Variants in DBN1 observed in about 807,000 individuals in gnomAD.
DBN1 encodes drebrin.
Under a neutral mutation model 83.5 loss-of-function variants are expected in DBN1, and 21 were observed. The ratio of observed to expected loss-of-function variants is 0.25; its 90% CI spans 0.18 to 0.36. DBN1 has a LOEUF of 0.36. Among genes scored for constraint, DBN1 ranks in the 10% least tolerant of loss-of-function variants. The pLI is 1.00. For synonymous variants in DBN1, 381 were observed against 384.9 expected (o/e 0.99, Z 0.12); for missense variants, 874 against 935.7 (o/e 0.93, Z 0.86).
chr5:177,464,958 C>G (rs56223202), intron 8 of DBN1, among the ~76,000 whole-genome samples: 346 of 151,128 alleles, frequency 2.3e-3, no homozygotes, highest in South Asian at 8.3e-3. Flanking sequence ...ATCGAGACCA[C>G]CCTGGCTAAC....
At chr5:177,457,591 G>A in intron 14 of DBN1, 64 bp downstream of exon 14, 1 of 1,508,750 alleles carries the variant, frequency 6.6e-7, no homozygotes, top group Non-Finnish European at 9.2e-7. Context: ...TGGTGGGGTG[G>A]CTACCCACAC....
rs750009034 is a variant in DBN1 at position 177,467,101 on chromosome 5, T to C, written c.556-39A>G. 6.2e-7 allele frequency: 1 copy of C among 1,612,660 alleles called. No individual in the cohort carries two copies. The highest frequency in any genetic ancestry group is 8.5e-7 in the Non-Finnish European group (1 of 1,179,682). ...TGCGAACAAGGGTAGGCCCCGAGCC[T>C]AGGCGCCTGGACCCTGCCCCTCCAG... On this transcript the variant is annotated intron_variant, in intron 6 of 14. Transcript: ENST00000393565. This position sits in a 1 kb window ranked among gnomAD's most constrained non-coding sequence, Gnocchi z 9.1.
At position 177,466,739 on chromosome 5, in the gene DBN1, C is replaced by T. The variant is rs774670111; in HGVS notation, c.771+33G>A. 3.1e-6 allele frequency: 5 copies of T among 1,613,012 alleles called. No homozygotes were observed. The highest frequency in any genetic ancestry group is 3.4e-6 in the Non-Finnish European group (4 of 1,178,946). ...ACAGGGACCATTCTCACTTCCCTGA[C>T]CCAGAGACCGGGAGCCTTGGCAAAG... is the stretch of plus-strand genomic sequence containing the variant. On this transcript the variant is annotated intron_variant, in intron 8 of 14. Coordinates refer to ENST00000393565, the MANE Select transcript of DBN1 (RefSeq NM_001363541.2). This position sits in a 1 kb window ranked among gnomAD's most constrained non-coding sequence, Gnocchi z 4.8.
intron 1 of DBN1, chr5:177,472,417 G>A (rs185987520): frequency 4.9e-6 from 7 of 1,417,458 alleles, no homozygotes; most frequent in East Asian, 5.7e-5. Context: ...GAGTATTACG[G>A]GGGGGTTAAA....
intron 8 of DBN1, chr5:177,462,388 G>T: frequency 1.0e-6 from 1 of 985,496 alleles, no homozygotes; most frequent in Non-Finnish European, 1.2e-6. Context: ...CAGCTGCAGC[G>T]TGGCCACTGC....
At chr5:177,464,513 A>C (rs1169315475) in intron 8 of DBN1, among the ~76,000 whole-genome samples, 1 of 152,040 alleles carries the variant, frequency 6.6e-6, no homozygotes, top group East Asian at 1.9e-4. Context: ...TAATTCCAGC[A>C]CTTTGGGAGG....
At position 177,458,166 on chromosome 5, in the gene DBN1, G is replaced by A; in HGVS notation, c.1806C>T (p.Ala602=). ...CTGAGGGCAGAGTTGGGGTCTGGGG[G>A]GCAGCCAGGGACTCCCCTTCCACTT... ...PEEVEGESLA[A]PQTPTLPSAL... Residue 602 remains alanine, a synonymous_variant, in exon 13 of 15, where the codon GCC becomes GCT. Transcript: ENST00000393565. 1.9e-6 allele frequency: 3 copies of A among 1,612,844 alleles called. No homozygotes were observed. Among genetic ancestry groups the A allele is most frequent in the Non-Finnish European group, 2.5e-6 (3 of 1,179,698 alleles).
chr5:177,467,457 C>T lies in DBN1; in HGVS notation c.477+24G>A. On this transcript the variant is annotated intron_variant, in intron 5 of 14. Transcript: ENST00000393565. This position sits in a 1 kb window ranked among gnomAD's most constrained non-coding sequence, Gnocchi z 9.1. ...GGCACCAGGCCACGCAGGCAGAGCC[C>T]ACGGGTGCCAAACACACACTAACCA... 1 of 1,607,308 alleles carries T rather than the reference C, an allele frequency of 6.2e-7. No individual in the cohort carries two copies.
At chr5:177,461,274 AT>A (rs958131658) in intron 8 of DBN1, among the ~76,000 whole-genome samples, 1 of 149,030 alleles carries the variant, frequency 6.7e-6, no homozygotes, top group African/African-American at 2.5e-5. Flanking sequence ...AATTTTTTGT[AT>A]TTTTAGTAGA....
intron 14 of DBN1, 74 bp from the exon 15 acceptor site, chr5:177,457,577 G>A: frequency 6.5e-7 from 1 of 1,549,196 alleles, no homozygotes; most frequent in Non-Finnish European, 8.9e-7. Flanking sequence ...TGAGCGGTGG[G>A]TAGTGGTGGG....
In DBN1 at chr5:177,459,888, G is replaced by T. The variant is rs917679147; in HGVS notation, c.956-148C>A. The T allele has an allele frequency of 3.4e-6, 3 of 885,662 alleles. No homozygotes were observed. In the African/African-American group the frequency reaches 5.1e-5, roughly 15 times the overall value. 54.9% of individuals were successfully genotyped at this position (885,662 alleles called of 1,614,324 possible). A position where few individuals can be genotyped will look rare whatever the true frequency, so the allele number is the denominator to read the frequency against. ...AGGGGCACAATCAGCCAAGCCAGCC[G>T]CAGCCTCACACCAGCCCCAGACACA... On this transcript the variant is annotated intron_variant, in intron 10 of 14. Transcript: ENST00000393565.
Position 177,457,172 on chromosome 5 carries a change from G to A in DBN1, c.*261C>T. The A allele has an allele frequency of 1.9e-6, 1 of 531,034 alleles. No individual in the cohort carries two copies. Among genetic ancestry groups the A allele is most frequent in the Non-Finnish European group, 3.4e-6 (1 of 296,420 alleles). 32.9% of individuals were successfully genotyped at this position (531,034 alleles called of 1,614,324 possible). Reference sequence around the variant, plus strand: ...CAATCTGGACCAGGGAAGGAGGGGTGGAATTTGCAACAGCGTCTCAACTAC... The same window carrying A: ...CAATCTGGACCAGGGAAGGAGGGGTAGAATTTGCAACAGCGTCTCAACTAC... On this transcript the variant is annotated 3_prime_UTR_variant, in exon 15 of 15. Coordinates refer to ENST00000393565, the MANE Select transcript of DBN1 (RefSeq NM_001363541.2).
chr5:177,472,895 AG>A, intron 1 of DBN1: 1 of 971,786 alleles, frequency 1.0e-6, no homozygotes, highest in Non-Finnish European at 1.2e-6. Context: ...CCACTCCGAG[AG>A]GCCCCCCGGT....
At position 177,466,941 on chromosome 5, in the gene DBN1, C is replaced by A; in HGVS notation, c.677G>T (p.Arg226Leu). The A allele has an allele frequency of 6.2e-7, 1 of 1,612,654 alleles. No individual in the cohort carries two copies. Among genetic ancestry groups the A allele is most frequent in the Non-Finnish European group, 8.5e-7 (1 of 1,179,768 alleles). ...QEQEERERRYREREQQIEEHR... is the reference protein window; with the variant it reads ...QEQEERERRYLEREQQIEEHR... ...CTCCTCGATCTGCTGCTCCCGCTCCCGGTAGCGCCGCTCGCGCTCCTCTTG... is the reference window on the plus strand; with the variant it reads ...CTCCTCGATCTGCTGCTCCCGCTCCAGGTAGCGCCGCTCGCGCTCCTCTTG... The change falls in exon 7 of 15, where the codon CGG becomes CTG. Residue 226 changes from arginine to leucine, a missense_variant. Physicochemically the swap from Arg to Leu is moderately radical, Grantham distance 102. Coordinates refer to ENST00000393565, the MANE Select transcript of DBN1 (RefSeq NM_001363541.2). This position sits in a 1 kb window ranked among gnomAD's most constrained non-coding sequence, Gnocchi z 4.8.
chr5:177,467,373 C>T lies in DBN1; in HGVS notation c.478-41G>A, dbSNP rs1757520030. 6.2e-7 allele frequency: 1 copy of T among 1,613,766 alleles called. No homozygotes were observed. The highest frequency in any genetic ancestry group is 8.5e-7 in the Non-Finnish European group (1 of 1,179,694). On this transcript the variant is annotated intron_variant, in intron 5 of 14. Coordinates refer to ENST00000393565, the MANE Select transcript of DBN1 (RefSeq NM_001363541.2). This position sits in a 1 kb window ranked among gnomAD's most constrained non-coding sequence, Gnocchi z 9.1. The stretch of plus-strand genomic sequence containing the variant: ...ACCCAGCATAAGCAGGCTGAATGCC[C>T]CAGGAACCCCCGACACCTAAAGGGT...
chr5:177,466,922 G>T lies in DBN1; in HGVS notation c.696C>A (p.Ile232=), dbSNP rs773980990. The change falls in exon 7 of 15, where the codon ATC becomes ATA. Residue 232 remains isoleucine (I), a synonymous_variant. Coordinates refer to ENST00000393565, the MANE Select transcript of DBN1 (RefSeq NM_001363541.2). This position sits in a 1 kb window ranked among gnomAD's most constrained non-coding sequence, Gnocchi z 4.8. The part of the protein sequence containing the change: ...ERRYREREQQ[I]EEHRRKQQTL... ...GCGGGCAGGCTCACCTGTGCTCCTC[G>T]ATCTGCTGCTCCCGCTCCCGGTAGC... The T allele has an allele frequency of 8.7e-6, 14 of 1,612,708 alleles. No individual in the cohort carries two copies. The African/African-American group carries it at 1.3e-4, about 15-fold the overall frequency.
chr5:177,462,286 C>A (rs143507613), intron 8 of DBN1: 2 of 985,512 alleles, frequency 2.0e-6, no homozygotes, highest in Non-Finnish European at 2.4e-6. Context: ...CCAGAACAGG[C>A]ACACCCGTTC....
rs116548591 is a variant in DBN1, at chr5:177,459,228, G to A, written c.1134C>T (p.Pro378=). 1.3e-3 allele frequency: 2,034 copies of A among 1,610,820 alleles called. 16 individuals carry two copies. The African/African-American group carries it at 0.024, about 19-fold the overall frequency. ...LDSHRRMAPT[P]IPTRSPSDSS... is the part of the protein sequence containing the mutation. Reference sequence around the variant, plus strand: ...AGTCAGACGGGCTCCGCGTGGGGATGGGAGTGGGCGCCATCCTCCGGTGGC... The same window carrying A: ...AGTCAGACGGGCTCCGCGTGGGGATAGGAGTGGGCGCCATCCTCCGGTGGC... Residue 378 remains proline (P), a synonymous_variant, in exon 12 of 15, where the codon CCC becomes CCT. Coordinates refer to ENST00000393565, the MANE Select transcript of DBN1 (RefSeq NM_001363541.2).
chr5:177,457,198 C>G lies in DBN1; in HGVS notation c.*235G>C, dbSNP rs1234490310. 2 of 557,406 alleles carry G rather than the reference C, an allele frequency of 3.6e-6. No homozygotes were observed. The highest frequency in any genetic ancestry group is 3.8e-5 in the African/African-American group (2 of 52,754). The allele number at this position is 557,406 out of a possible 1,614,324, so 34.5% of individuals were successfully genotyped here. On this transcript the variant is annotated 3_prime_UTR_variant, in exon 15 of 15. Transcript: ENST00000393565. The stretch of plus-strand genomic sequence containing the variant: ...GAATTTGCAACAGCGTCTCAACTAC[C>G]AACGAGAGGAAAGCCAGTCAACTGT...
Sources: gnomAD v4.1 joint callset for allele counts (sites outside exome capture counted in the v4.1 genomes callset) on GRCh38, gnomAD v4.1.1 for gene constraint, Gnocchi (gnomAD v3.1) non-coding constraint, MANE v1.5 for transcripts, NCBI Gene and HGNC (gene_info 2026-07-23, HGNC 2026-07-21) for gene names.